Variants in DENND4A observed in about 807,000 individuals in gnomAD.
DENND4A encodes the protein DENN domain containing 4A.
DENND4A carries 70 observed loss-of-function variants against 199.3 expected under a neutral mutation model. The ratio of observed to expected loss-of-function variants is 0.35; its 90% CI spans 0.29 to 0.43. The LOEUF (loss-of-function observed/expected upper bound fraction) is 0.43. Among genes scored for constraint, DENND4A ranks in the 20% least tolerant of loss-of-function variants. The pLI, the probability that DENND4A is intolerant of heterozygous loss-of-function variation, is 1.00. For synonymous variants in DENND4A, 686 were observed against 766.9 expected, an observed-to-expected ratio of 0.89 and a Z score of 1.74; for missense variants, 1,723 against 2,255.8, an observed-to-expected ratio of 0.76 and a Z score of 4.78.
intron 1 of DENND4A, among the ~76,000 whole-genome samples, chr15:65,779,251 T>C (rs2077370433): frequency 1.3e-5 from 2 of 150,380 alleles, no homozygotes; most frequent in Admixed American, 1.3e-4. Flanking sequence ...GGATCAGGAG[T>C]TCAAGACCAT....
chr15:65,725,599 C>T (rs538999748), intron 11 of DENND4A, among the ~76,000 whole-genome samples: 36 of 151,696 alleles, frequency 2.4e-4, no homozygotes, highest in African/African-American at 8.2e-4. Context: ...ATGGCAAGAA[C>T]CTGGGAGGTG....
intron 1 of DENND4A, among the ~76,000 whole-genome samples, chr15:65,787,540 A>G (rs1268079182): frequency 1.3e-5 from 2 of 152,228 alleles, no homozygotes. Context: ...CATTTTAAAA[A>G]TAATAACGGC....
chr15:65,697,442 G>T, intron 20 of DENND4A, 59 bp from the exon 21 acceptor site: 1 of 1,023,654 alleles, frequency 9.8e-7, no homozygotes, highest in South Asian at 1.4e-5. Context: ...AGTGCAACTG[G>T]AATTAGGAGC....
Position 65,661,624 on chromosome 15 carries a change from CA to C in DENND4A, c.*226del. 2 of 356,974 alleles carry C rather than the reference CA, an allele frequency of 5.6e-6. No homozygotes were observed. The highest frequency in any genetic ancestry group is 8.4e-5 in the East Asian group (2 of 23,820). The allele number at this position is 356,974 out of a possible 1,614,324, so 22.1% of individuals were successfully genotyped here. A position where few individuals can be genotyped will look rare whatever the true frequency, so the allele number is the denominator to read the frequency against. On this transcript the variant is annotated 3_prime_UTR_variant, in exon 33 of 33. Transcript: ENST00000443035. ...CACAAAAATACTTTATTTCCTATTA[CA>C]GGGGAGTTAAAGAAGAAGAAAAAAG...
chr15:65,713,915 A>G (rs929566582), intron 14 of DENND4A, among the ~76,000 whole-genome samples: 3 of 152,178 alleles, frequency 2.0e-5, no homozygotes, highest in Non-Finnish European at 4.4e-5. Flanking sequence ...GTGTGGCTGC[A>G]TCCAGGTCCT....
Position 65,717,905 on chromosome 15 carries a change from C to T in DENND4A, c.1680G>A (p.Leu560=), listed in dbSNP as rs1477328599. ...AAAACAAAAATGCCTCTTGGATTTCCAAATCTATCATGTGCAACCTCTTTC... is the reference window on the plus strand; with the variant it reads ...AAAACAAAAATGCCTCTTGGATTTCTAAATCTATCATGTGCAACCTCTTTC... ...NSGKRLHMID[L]EIQEAFLFFM... is the part of the protein sequence containing the mutation. The change falls in exon 13 of 33, where the codon TTG becomes TTA. Residue 560 remains leucine, a synonymous_variant. Coordinates refer to ENST00000443035, the MANE Select transcript of DENND4A (RefSeq NM_001320835.1). The T allele has an allele frequency of 1.2e-6, 2 of 1,608,454 alleles. No individual in the cohort carries two copies. Among genetic ancestry groups the T allele is most frequent in the Admixed American group, 3.4e-5 (2 of 59,148 alleles).
chr15:65,781,974 A>C (rs960887990), intron 1 of DENND4A, among the ~76,000 whole-genome samples: 5 of 152,220 alleles, frequency 3.3e-5, no homozygotes, highest in Non-Finnish European at 1.5e-5. Context: ...TTACAAGAGC[A>C]AGTTTAGTGA....
At position 65,691,427 on chromosome 15, in the gene DENND4A, C is replaced by T. The variant is rs373015104; in HGVS notation, c.3167G>A (p.Arg1056Lys). 6.2e-7 allele frequency: 1 copy of T among 1,613,406 alleles called. No individual in the cohort carries two copies. The highest frequency in any genetic ancestry group is 2.2e-5 in the East Asian group (1 of 44,856). Residue 1056 changes from arginine (R) to lysine (K), a missense_variant, in exon 23 of 33, where the codon AGA becomes AAA. Coordinates refer to ENST00000443035, the MANE Select transcript of DENND4A (RefSeq NM_001320835.1). The stretch of plus-strand genomic sequence containing the variant: ...ATTAGTTTCATTGTCACTTTTATGT[C>T]TTTTCCTGAAGCATCTACTTTGAAT... ...RNIQSRCFRK[R>K]HKSDNETNLQ...
intron 1 of DENND4A, among the ~76,000 whole-genome samples, chr15:65,787,650 T>G (rs931057103): frequency 1.3e-5 from 2 of 152,332 alleles, no homozygotes; most frequent in East Asian, 3.9e-4. Context: ...TGTCTAGAAC[T>G]CACAGCATAC....
At chr15:65,662,918 T>C (rs2075900431) in intron 32 of DENND4A, among the ~76,000 whole-genome samples, 1 of 152,134 alleles carries the variant, frequency 6.6e-6, no homozygotes, top group African/African-American at 2.4e-5. Context: ...ATCCCACCTT[T>C]GGCAGAGGGC....
At chr15:65,722,025 T>C (rs1020296926) in intron 12 of DENND4A, among the ~76,000 whole-genome samples, 1 of 152,216 alleles carries the variant, frequency 6.6e-6, no homozygotes, top group Non-Finnish European at 1.5e-5. Flanking sequence ...TTTTCAAACT[T>C]TAAGATAGGC....
At chr15:65,725,683 T>A (rs71207071) in intron 11 of DENND4A, among the ~76,000 whole-genome samples, 27,228 of 118,882 alleles carry the variant, frequency 0.23, 3,671 homozygotes, top group East Asian at 0.73. Flanking sequence ...TCTCAAAAAA[T>A]AAAAATAAAA....
Position 65,756,321 on chromosome 15 carries a change from G to C in DENND4A, c.130C>G (p.Pro44Ala). Residue 44 changes from proline (P) to alanine (A), a missense_variant, in exon 3 of 33, where the codon CCT (proline) becomes GCT (alanine). Pro to Ala is a conservative substitution (Grantham distance 27). Around this residue, in one of 6 missense-constraint regions of DENND4A, gnomAD observed 725 missense variants for 952.9 expected, o/e 0.76. Transcript: ENST00000443035. ...ATAATAACTGAAACATCTGTAATAG[G>C]TTCTTTTGGTTTAGCTACTTTATGA... is the stretch of plus-strand genomic sequence containing the variant. ...ACHKVAKPKE[P>A]ITDVSVIIKS... 1.2e-6 allele frequency: 2 copies of C among 1,613,716 alleles called. No individual in the cohort carries two copies. The highest frequency in any genetic ancestry group is 1.7e-6 in the Non-Finnish European group (2 of 1,179,782).
intron 25 of DENND4A, 104 bp from the exon 26 acceptor site, chr15:65,670,292 G>A (rs771156021): frequency 2.1e-6 from 2 of 958,314 alleles, no homozygotes; most frequent in East Asian, 5.5e-5. Flanking sequence ...AACCCAGAAG[G>A]ATTCAGATGC....
chr15:65,729,543 T>C lies in DENND4A; in HGVS notation c.1302A>G (p.Ala434=), dbSNP rs1458308542. 6.8e-6 allele frequency: 11 copies of C among 1,608,576 alleles called. No individual in the cohort carries two copies. The highest frequency in any genetic ancestry group is 9.3e-6 in the Non-Finnish European group (11 of 1,177,544). The change falls in exon 10 of 33, where the codon GCA becomes GCG. Residue 434 remains alanine (A), a synonymous_variant. Transcript: ENST00000443035. The part of the protein sequence containing the change: ...RPSVLTSVTE[A]LVSMIFPFHW... ...AAACTGTGATACTCACAGACACTAATGCTTCTGTCACACTAGTAAGCACGG... is the reference window on the plus strand; with the variant it reads ...AAACTGTGATACTCACAGACACTAACGCTTCTGTCACACTAGTAAGCACGG...
chr15:65,741,482 C>A (rs540127253), intron 5 of DENND4A, among the ~76,000 whole-genome samples: 1 of 152,174 alleles, frequency 6.6e-6, no homozygotes, highest in East Asian at 1.9e-4. Context: ...TAATTGAGAT[C>A]TTATTATTTA....
intron 24 of DENND4A, among the ~76,000 whole-genome samples, chr15:65,673,268 GAC>G (rs2141905409): frequency 6.6e-6 from 1 of 151,952 alleles, no homozygotes; most frequent in Admixed American, 6.5e-5. Context: ...AGGAGTTTGA[GAC>G]CAGCCTGGGC....
chr15:65,696,076 C>T (rs1360919189), intron 22 of DENND4A, among the ~76,000 whole-genome samples: 1 of 152,100 alleles, frequency 6.6e-6, no homozygotes, highest in African/African-American at 2.4e-5. Context: ...TACCCTCAGA[C>T]TCATCACCTC....
intron 28 of DENND4A, 51 bp downstream of exon 28, chr15:65,667,874 T>C (rs1217125275): frequency 6.4e-7 from 1 of 1,566,302 alleles, no homozygotes; most frequent in South Asian, 1.2e-5. Flanking sequence ...GGGAACAAAA[T>C]CATACGTAAG....
Sources: gnomAD v4.1 joint callset for allele counts (sites outside exome capture counted in the v4.1 genomes callset) on GRCh38, gnomAD v4.1.1 for gene constraint, gnomAD v4.1.1 regional missense constraint, MANE v1.5 for transcripts, NCBI Gene and HGNC (gene_info 2026-07-23, HGNC 2026-07-21) for gene names.